Variants in SEPTIN6 observed in about 807,000 individuals in gnomAD.
The protein encoded by SEPTIN6 is septin-6.
In SEPTIN6, 8 loss-of-function variants were observed where a neutral mutation model predicts 33.6. The observed-to-expected ratio is 0.24, with a 90% CI of 0.14 to 0.43. The LOEUF (loss-of-function observed/expected upper bound fraction) is 0.43, where lower values mean the gene tolerates loss of function less well. SEPTIN6 is among the 20% of genes least tolerant of loss of function. The pLI is 1.00. For synonymous variants in SEPTIN6, 131 were observed against 140.0 expected (o/e 0.94, Z 0.45); for missense variants, 250 against 340.8 (o/e 0.73, Z 2.10).
intron 7 of SEPTIN6, 156 bp from the exon 8 acceptor site, chrX:119,633,648 G>T: frequency 1.5e-6 from 1 of 648,628 alleles, no homozygotes; most frequent in Non-Finnish European, 2.3e-6. Flanking sequence ...ACCTGGCTTG[G>T]CCCATGACAG....
At chrX:119,688,584 G>A (rs961370415) in intron 1 of SEPTIN6, among the ~76,000 whole-genome samples, 6 of 109,176 alleles carry the variant, frequency 5.5e-5, no homozygotes, top group African/African-American at 2.0e-4. Context: ...GTGCACACCT[G>A]TAATCCCAGC....
chrX:119,649,971 T>G lies in SEPTIN6; in HGVS notation c.656A>C (p.Asp219Ala). 1 of 1,211,778 alleles carries G rather than the reference T, an allele frequency of 8.3e-7. No homozygotes were observed. The highest frequency in any genetic ancestry group is 1.8e-5 in the South Asian group (1 of 56,997). The change falls in exon 5 of 11, where the codon GAT (aspartate) becomes GCT (alanine). Residue 219 changes from aspartate to alanine, a missense_variant. Physicochemically the swap from Asp to Ala is moderately radical, Grantham distance 126. This residue lies in a region of SEPTIN6 where 139 missense variants were observed against 227.0 expected (regional missense o/e 0.61). Transcript: ENST00000394610. Reference protein sequence around the residue: ...GVQIYQFPTDDESVAEINGTM... With the variant: ...GVQIYQFPTDAESVAEINGTM... Reference sequence around the variant, plus strand: ...TCCATTGATCTCTGCCACCGACTCATCATCTGTAGGAAACTGATAGATCTG... The same window carrying G: ...TCCATTGATCTCTGCCACCGACTCAGCATCTGTAGGAAACTGATAGATCTG...
intron 3 of SEPTIN6, among the ~76,000 whole-genome samples, chrX:119,661,140 A>ATTTG (rs1373258382): frequency 1.9e-5 from 2 of 106,767 alleles, no homozygotes; most frequent in African/African-American, 6.8e-5. Flanking sequence ...AGCTATATAT[A>ATTTG]TTTGGCTGGG....
At chrX:119,685,738 G>A (rs755662877) in intron 1 of SEPTIN6, among the ~76,000 whole-genome samples, 4 of 111,565 alleles carry the variant, frequency 3.6e-5, no homozygotes, top group Non-Finnish European at 7.5e-5. Context: ...GCTTGATGCT[G>A]GTCAGGGGCA....
intron 3 of SEPTIN6, among the ~76,000 whole-genome samples, chrX:119,657,356 T>C (rs1204999761): frequency 1.8e-5 from 2 of 111,095 alleles, no homozygotes; most frequent in Non-Finnish European, 3.8e-5. Context: ...TTCTCAGTCT[T>C]GTCAATTCTC....
At position 119,617,032 on chromosome X, in the gene SEPTIN6, A is replaced by C. The variant is rs2067067336; in HGVS notation, c.*3061T>G. The C allele has an allele frequency of 3.1e-6, 3 of 958,574 alleles. No individual in the cohort carries two copies. Among genetic ancestry groups the C allele is most frequent in the Non-Finnish European group, 3.9e-6 (3 of 760,830 alleles). The allele number at this position is 958,574 out of a possible 1,213,427, so 79.0% of individuals were successfully genotyped here. ...TGATTAAAACAAAAAAACAAAAACA[A>C]GAGCCATCTACACTGCAGCTAGGGA... On this transcript the variant is annotated 3_prime_UTR_variant, in exon 11 of 11. Transcript: ENST00000394610.
chrX:119,643,970 T>G (rs888624124), intron 5 of SEPTIN6, among the ~76,000 whole-genome samples: 1 of 111,422 alleles, frequency 9.0e-6, no homozygotes, highest in Non-Finnish European at 1.9e-5. Context: ...ACAACCAGAA[T>G]AGAGTCGAGC....
At chrX:119,644,855 A>C (rs2054218590) in intron 5 of SEPTIN6, among the ~76,000 whole-genome samples, 4 of 109,688 alleles carry the variant, frequency 3.6e-5, no homozygotes, top group Admixed American at 2.9e-4. Context: ...CATCTCAAAA[A>C]AAAAGGGCCT....
At chrX:119,682,318 A>C (rs1344718912) in intron 1 of SEPTIN6, among the ~76,000 whole-genome samples, 1 of 111,603 alleles carries the variant, frequency 9.0e-6, no homozygotes, top group Non-Finnish European at 1.9e-5. Context: ...TAATTTTAAA[A>C]CATTTTTAAT....
In SEPTIN6 at chrX:119,619,987, G is replaced by A; in HGVS notation, c.*106C>T. 1 of 1,204,756 alleles carries A rather than the reference G, an allele frequency of 8.3e-7. No individual in the cohort carries two copies. Among genetic ancestry groups the A allele is most frequent in the Non-Finnish European group, 1.1e-6 (1 of 893,348 alleles). Reference sequence around the variant, plus strand: ...GTATGCCCCCCAGGCATGTTAAGGGGGAAATTAGAGAAAGGGAGGCCCAGC... The same window carrying A: ...GTATGCCCCCCAGGCATGTTAAGGGAGAAATTAGAGAAAGGGAGGCCCAGC... On this transcript the variant is annotated 3_prime_UTR_variant, in exon 11 of 11. Transcript: ENST00000394610.
At chrX:119,667,259 C>T (rs970334333) in intron 2 of SEPTIN6, among the ~76,000 whole-genome samples, 2 of 109,115 alleles carry the variant, frequency 1.8e-5, no homozygotes, top group Non-Finnish European at 3.8e-5. Context: ...CCAGTACCCC[C>T]GAGAGTGCCT....
chrX:119,653,011 G>T lies in SEPTIN6; in HGVS notation c.371C>A (p.Ala124Glu). Residue 124 changes from alanine to glutamate, a missense_variant, in exon 4 of 11, where the codon GCA (alanine) becomes GAA (glutamate). Transcript: ENST00000394610. ...TTCCTGCAGGTAGGCCTCGAATTGT[G>T]CATCGATGAATTCCACGATAGGCTT... ...SYKPIVEFID[A>E]QFEAYLQEEL... 1 of 1,210,158 alleles carries T rather than the reference G, an allele frequency of 8.3e-7. No individual in the cohort carries two copies. Among genetic ancestry groups the T allele is most frequent in the Non-Finnish European group, 1.1e-6 (1 of 894,526 alleles).
chrX:119,681,662 T>C (rs2054962921), intron 1 of SEPTIN6, among the ~76,000 whole-genome samples: 1 of 111,858 alleles, frequency 8.9e-6, no homozygotes, highest in African/African-American at 3.3e-5. Flanking sequence ...TTAAGAAGCA[T>C]GTGGGTAGTT....
chrX:119,677,413 G>T (rs1315297000), intron 1 of SEPTIN6, among the ~76,000 whole-genome samples: 1 of 112,129 alleles, frequency 8.9e-6, no homozygotes, highest in Non-Finnish European at 1.9e-5. Context: ...GAGGGGACAG[G>T]GGAGAAGGGA....
At chrX:119,629,838 T>C (rs1227811995) in intron 8 of SEPTIN6, among the ~76,000 whole-genome samples, 1 of 112,050 alleles carries the variant, frequency 8.9e-6, no homozygotes, top group Non-Finnish European at 1.9e-5. Flanking sequence ...TAACATTTAC[T>C]GAGTGCTGGC....
chrX:119,685,658 A>G (rs1313712375), intron 1 of SEPTIN6, among the ~76,000 whole-genome samples: 2 of 111,266 alleles, frequency 1.8e-5, no homozygotes, highest in Non-Finnish European at 3.8e-5. Flanking sequence ...CCACTCTCAA[A>G]TGGAAAAGCT....
chrX:119,663,496 G>C lies in SEPTIN6; in HGVS notation c.327C>G (p.Ile109Met). ...GCCTTCTTTACCTGTCCTCTTTGTT[G>C]ATCTGGTCCCCAAAGCCAACTGTGC... ...IVSTVGFGDQ[I>M]NKEDSYKPIV... Residue 109 changes from isoleucine (I) to methionine (M), a missense_variant, in exon 3 of 11, where the codon ATC becomes ATG. Physicochemically the swap from Ile to Met is conservative, Grantham distance 10. This residue lies in a region of SEPTIN6 where 111 missense variants were observed against 113.8 expected (regional missense o/e 0.98). Coordinates refer to ENST00000394610, the MANE Select transcript of SEPTIN6 (RefSeq NM_145799.4). 1 of 625,561 alleles carries C rather than the reference G, an allele frequency of 1.6e-6. No homozygotes were observed. The highest frequency in any genetic ancestry group is 2.2e-6 in the Non-Finnish European group (1 of 451,042). The allele number at this position is 625,561 out of a possible 1,213,427, so 51.6% of individuals were successfully genotyped here. A position where few individuals can be genotyped will look rare whatever the true frequency, so the allele number is the denominator to read the frequency against.
In SEPTIN6 at chrX:119,618,539, A is replaced by C. The variant is rs2035791817; in HGVS notation, c.*1554T>G. 1 of 949,614 alleles carries C rather than the reference A, an allele frequency of 1.1e-6. No individual in the cohort carries two copies. Among genetic ancestry groups the C allele is most frequent in the Non-Finnish European group, 1.3e-6 (1 of 759,837 alleles). 78.3% of individuals were successfully genotyped at this position (949,614 alleles called of 1,213,427 possible). A position where few individuals can be genotyped will look rare whatever the true frequency, so the allele number is the denominator to read the frequency against. On this transcript the variant is annotated 3_prime_UTR_variant, in exon 11 of 11. Coordinates refer to ENST00000394610, the MANE Select transcript of SEPTIN6 (RefSeq NM_145799.4). ...TGAAAGTAAGTGATCAAAAAAAGAA[A>C]CTCTAAAAAAAAAATAGAAGTAGGT... is the stretch of plus-strand genomic sequence containing the variant.
In SEPTIN6 at chrX:119,652,839, C is replaced by A. The variant is rs930183503; in HGVS notation, c.528+15G>T. 1 of 1,202,526 alleles carries A rather than the reference C, an allele frequency of 8.3e-7. No homozygotes were observed. Among genetic ancestry groups the A allele is most frequent in the Non-Finnish European group, 1.1e-6 (1 of 888,803 alleles). On this transcript the variant is annotated intron_variant, in intron 4 of 10. Transcript: ENST00000394610. ...AAGAGTGAGCCCCCAGCGCCCCCGCCCCTGCCTCCTATACCTTACTGTCCA... is the reference window on the plus strand; with the variant it reads ...AAGAGTGAGCCCCCAGCGCCCCCGCACCTGCCTCCTATACCTTACTGTCCA...
Sources: gnomAD v4.1 joint callset for allele counts (sites outside exome capture counted in the v4.1 genomes callset) on GRCh38, gnomAD v4.1.1 for gene constraint, gnomAD v4.1.1 regional missense constraint, MANE v1.5 for transcripts, NCBI Gene and HGNC (gene_info 2026-07-23, HGNC 2026-07-21) for gene names.